The following PARD3B variants were observed in gnomAD, a reference collection of about 807,000 sequenced individuals.
The protein encoded by PARD3B is par-3 family cell polarity regulator beta.
In PARD3B, 103 loss-of-function variants were observed where a neutral mutation model predicts 130.2. The ratio of observed to expected loss-of-function variants is 0.79; its 90% CI spans 0.67 to 0.93. The LOEUF (loss-of-function observed/expected upper bound fraction) is 0.93. Ranked by LOEUF, PARD3B falls within the 40% of genes least tolerant of loss-of-function variation. The pLI is 0.00. For synonymous variants in PARD3B, 583 were observed against 553.2 expected, an observed-to-expected ratio of 1.05 and a Z score of -0.76; for missense variants, 1,609 against 1,499.2, an observed-to-expected ratio of 1.07 and a Z score of -1.21.
At chr2:204,946,612 C>A (rs187240564) in intron 2 of PARD3B, among the ~76,000 whole-genome samples, 2 of 152,102 alleles carry the variant, frequency 1.3e-5, no homozygotes, top group Non-Finnish European at 2.9e-5. Context: ...TTGACCTCTG[C>A]GTAAAGAGGA....
chr2:205,018,747 A>AAAAAAAAAAC (rs1696359667), intron 3 of PARD3B, among the ~76,000 whole-genome samples: 1 of 131,200 alleles, frequency 7.6e-6, no homozygotes, highest in Non-Finnish European at 1.7e-5. Flanking sequence ...AAAAAAAAAA[A>AAAAAAAAAAC]AAAGCACGCT....
At chr2:205,046,541 C>A (rs1698797833) in intron 3 of PARD3B, among the ~76,000 whole-genome samples, 1 of 149,248 alleles carries the variant, frequency 6.7e-6, no homozygotes, top group East Asian at 2.0e-4. Context: ...AAAATATTTG[C>A]AATTCTATGT....
At position 205,121,844 on chromosome 2, in the gene PARD3B, CG is replaced by C; in HGVS notation, c.1061del (p.Arg354GlnfsTer33). The C allele has an allele frequency of 6.2e-7, 1 of 1,614,040 alleles. No homozygotes were observed. The highest frequency in any genetic ancestry group is 1.1e-5 in the South Asian group (1 of 91,076). On this transcript the variant is annotated frameshift_variant, in exon 8 of 23. Transcript: ENST00000406610. LOFTEE classifies it high-confidence loss of function. The surrounding 1 kb of genome is among the most constrained non-coding windows in gnomAD (Gnocchi z 5.0). ...SASLQQNKSP[R>X]VPRLGGKPSS... ...TTCCCTGCAACAAAACAAGAGTCCC[CG>C]AGTACCAAGGCTGGGAGGAAAACCA...
intron 21 of PARD3B, among the ~76,000 whole-genome samples, chr2:205,520,520 G>C (rs1317305152): frequency 6.6e-6 from 1 of 152,106 alleles, no homozygotes; most frequent in Admixed American, 6.6e-5. Flanking sequence ...GCCGGGGGTG[G>C]CTGGAGGCTT....
At chr2:205,020,786 T>C (rs533153512) in intron 3 of PARD3B, among the ~76,000 whole-genome samples, 11 of 152,252 alleles carry the variant, frequency 7.2e-5, no homozygotes, top group Middle Eastern at 3.4e-3. Context: ...TGAGTTGTCC[T>C]CAAGGCTAGC....
At chr2:205,347,546 T>C (rs949731227) in intron 18 of PARD3B, among the ~76,000 whole-genome samples, 4 of 152,168 alleles carry the variant, frequency 2.6e-5, no homozygotes, top group Admixed American at 2.6e-4. Context: ...AGTTAAAAAA[T>C]ACTGCCACAG....
At chr2:205,103,798 C>G in intron 4 of PARD3B, 2 of 951,160 alleles carry the variant, frequency 2.1e-6, no homozygotes, top group Non-Finnish European at 2.5e-6. Flanking sequence ...TTTCCACTGT[C>G]CTGGAGTACA....
rs2038675449 is a variant in PARD3B at position 205,228,447 on chromosome 2, G to A, written c.2141-17331G>A. Reference sequence around the variant, plus strand: ...TCCTGTCACTCTCTCATGGCCTGTAGGGTTTCCACTGAGAAGTCTGCTGCA... The same window carrying A: ...TCCTGTCACTCTCTCATGGCCTGTAAGGTTTCCACTGAGAAGTCTGCTGCA... On this transcript the variant is annotated intron_variant, in intron 15 of 22. Transcript: ENST00000406610. Among the ~76,000 whole-genome samples, 3 of 152,002 alleles carry A rather than the reference G, an allele frequency of 2.0e-5. No homozygotes were observed. The South Asian group carries it at 6.2e-4, about 32-fold the overall frequency.
At chr2:204,929,828 C>T (rs1490612316) in intron 2 of PARD3B, among the ~76,000 whole-genome samples, 2 of 151,900 alleles carry the variant, frequency 1.3e-5, no homozygotes, top group East Asian at 3.9e-4. Flanking sequence ...TTAGACCACT[C>T]CAGACAATTT....
intron 3 of PARD3B, among the ~76,000 whole-genome samples, chr2:204,970,238 T>C (rs1691585293): frequency 1.3e-5 from 2 of 152,176 alleles, no homozygotes; most frequent in African/African-American, 2.4e-5. Flanking sequence ...CCAATCTTTG[T>C]CCCTTGAGAG....
chr2:204,645,769 A>G (rs1037590571), intron 1 of PARD3B, among the ~76,000 whole-genome samples: 1 of 152,166 alleles, frequency 6.6e-6, no homozygotes, highest in Non-Finnish European at 1.5e-5. Context: ...GCATCTCACT[A>G]AACTTTTAAA....
intron 2 of PARD3B, among the ~76,000 whole-genome samples, chr2:204,843,665 G>T (rs183383530): frequency 6.6e-6 from 1 of 152,046 alleles, no homozygotes; most frequent in Non-Finnish European, 1.5e-5. Context: ...GTGAGCCACC[G>T]CGCCCAGTCC....
chr2:204,713,002 A>G (rs888780297), intron 2 of PARD3B, among the ~76,000 whole-genome samples: 1 of 152,150 alleles, frequency 6.6e-6, no homozygotes, highest in Non-Finnish European at 1.5e-5. Flanking sequence ...ATTCATCCAC[A>G]TTCATGCACG....
intron 2 of PARD3B, among the ~76,000 whole-genome samples, chr2:204,802,657 A>C (rs1006560123): frequency 3.3e-5 from 5 of 152,210 alleles, no homozygotes; most frequent in Admixed American, 2.6e-4. Flanking sequence ...ACTACTATGC[A>C]GCTGTAAAAA....
At chr2:204,803,301 T>A (rs2042643733) in intron 2 of PARD3B, among the ~76,000 whole-genome samples, 1 of 151,606 alleles carries the variant, frequency 6.6e-6, no homozygotes, top group African/African-American at 2.4e-5. Context: ...TTTTTCAATA[T>A]GAAATTAAAA....
chr2:205,234,674 A>G (rs974043225), intron 15 of PARD3B, among the ~76,000 whole-genome samples: 1 of 152,220 alleles, frequency 6.6e-6, no homozygotes, highest in Non-Finnish European at 1.5e-5. Flanking sequence ...TTTGAACAAT[A>G]TTATCAACTA....
At chr2:205,238,070 A>C (rs142258580) in intron 15 of PARD3B, among the ~76,000 whole-genome samples, 1 of 152,088 alleles carries the variant, frequency 6.6e-6, no homozygotes, top group African/African-American at 2.4e-5. Flanking sequence ...GACATGCCCA[A>C]ATTTGGTGTC....
chr2:205,329,850 C>T (rs1417801345), intron 18 of PARD3B, among the ~76,000 whole-genome samples: 4 of 151,240 alleles, frequency 2.6e-5, no homozygotes, highest in African/African-American at 9.7e-5. Context: ...AAAAATTAGC[C>T]GGGCGTGTTG....
At chr2:205,609,589 A>G (rs1287604521) in intron 22 of PARD3B, among the ~76,000 whole-genome samples, 1 of 152,252 alleles carries the variant, frequency 6.6e-6, no homozygotes, top group Non-Finnish European at 1.5e-5. Context: ...GCTGCTAATC[A>G]CACACATAGT....
Sources: allele counts gnomAD v4.1 joint callset (sites outside exome capture counted in the v4.1 genomes callset), GRCh38; gene constraint gnomAD v4.1.1; non-coding constraint Gnocchi (gnomAD v3.1); transcripts MANE v1.5; gene names NCBI Gene and HGNC (gene_info 2026-07-23, HGNC 2026-07-21).